Variants in ANO3 observed in about 807,000 individuals in gnomAD.
ANO3 encodes the protein anoctamin 3, also known as anoctamin-3.
In ANO3, 99 loss-of-function variants were observed where a neutral mutation model predicts 144.8. That is an observed-to-expected ratio of 0.68 (90% CI 0.58 to 0.81). ANO3 has a LOEUF of 0.81. Ranked by LOEUF, ANO3 falls within the 30% of genes least tolerant of loss-of-function variation. The probability of loss-of-function intolerance (pLI) is 0.00; values close to 1 mark genes in which losing one functional copy is unlikely to be tolerated. For missense variants in ANO3, 905 were observed against 1,202.2 expected, an observed-to-expected ratio of 0.75 and a Z score of 3.66; for synonymous variants, 414 against 392.6, an observed-to-expected ratio of 1.05 and a Z score of -0.64.
intron 2 of ANO3, among the ~76,000 whole-genome samples, chr11:26,443,322 C>T (rs1052152076): frequency 6.6e-6 from 1 of 152,114 alleles, no homozygotes; most frequent in South Asian, 2.1e-4. Flanking sequence ...AAATTTTAGG[C>T]CAGGCATGAT....
At chr11:26,616,457 T>A (rs1325490566) in intron 17 of ANO3, among the ~76,000 whole-genome samples, 3 of 143,088 alleles carry the variant, frequency 2.1e-5, no homozygotes, top group African/African-American at 5.2e-5. Context: ...TTTTTTTTGG[T>A]AATTTGTTGC....
intron 5 of ANO3, among the ~76,000 whole-genome samples, chr11:26,510,255 A>T (rs554242175): frequency 2.0e-5 from 3 of 152,110 alleles, no homozygotes; most frequent in African/African-American, 7.2e-5. Context: ...GGAATTACTC[A>T]CACACAACTT....
intron 14 of ANO3, among the ~76,000 whole-genome samples, chr11:26,574,856 T>C (rs1159036308): frequency 3.9e-5 from 6 of 152,058 alleles, no homozygotes. Context: ...ACAATGCCCT[T>C]GGTTAAGCAG....
chr11:26,241,651 A>G, intron 1 of ANO3, among the ~76,000 whole-genome samples: 1 of 152,352 alleles, frequency 6.6e-6, no homozygotes, highest in South Asian at 2.1e-4. Context: ...ATTAATAGAT[A>G]GTATTGGCAG....
chr11:26,476,930 T>A (rs556517913), intron 4 of ANO3, among the ~76,000 whole-genome samples: 1,839 of 144,822 alleles, frequency 0.013, 35 homozygotes, highest in African/African-American at 0.044. Context: ...TGTGTGTGTG[T>A]GTGAGAGAGA....
At chr11:26,253,841 C>A (rs1432632235) in intron 1 of ANO3, among the ~76,000 whole-genome samples, 1 of 152,082 alleles carries the variant, frequency 6.6e-6, no homozygotes, top group Non-Finnish European at 1.5e-5. Flanking sequence ...TGTGTCCATG[C>A]TACTCCTTAA....
At chr11:26,228,226 T>G (rs1027505326) in intron 1 of ANO3, among the ~76,000 whole-genome samples, 3 of 152,262 alleles carry the variant, frequency 2.0e-5, no homozygotes, top group Non-Finnish European at 4.4e-5. Flanking sequence ...GCTCTGTTTT[T>G]ATGGCTTCTA....
intron 4 of ANO3, among the ~76,000 whole-genome samples, chr11:26,464,683 T>G (rs891677126): frequency 6.6e-6 from 1 of 151,796 alleles, no homozygotes; most frequent in African/African-American, 2.4e-5. Context: ...GATAAGAGAA[T>G]GGTGTATGAC....
chr11:26,357,611 T>G (rs1364585212), intron 1 of ANO3, among the ~76,000 whole-genome samples: 1 of 152,118 alleles, frequency 6.6e-6, no homozygotes, highest in East Asian at 1.9e-4. Flanking sequence ...AGGTATAAGA[T>G]TTGCAAATCC....
intron 1 of ANO3, among the ~76,000 whole-genome samples, chr11:26,247,082 A>T (rs1437906695): frequency 6.6e-6 from 1 of 152,238 alleles, no homozygotes; most frequent in Non-Finnish European, 1.5e-5. Flanking sequence ...TATTTAAAAC[A>T]GTTTTAATGT....
chr11:26,210,179 G>T (rs2133781251), intron 1 of ANO3, among the ~76,000 whole-genome samples: 1 of 152,160 alleles, frequency 6.6e-6, no homozygotes, highest in Non-Finnish European at 1.5e-5. Context: ...GTAAGGAAGG[G>T]GTCCAATTTC....
In ANO3 at chr11:26,563,395, CTGTGTGTGTGTGTGTGTG is replaced by C. The variant is rs71047867; in HGVS notation, c.1447+3636_1447+3653del. The C allele has an allele frequency of 9.3e-6, 5 of 539,998 alleles. No homozygotes were observed. In the East Asian group the frequency reaches 1.1e-4, roughly 12 times the overall value. 33.5% of individuals were successfully genotyped at this position (539,998 alleles called of 1,614,324 possible). On this transcript the variant is annotated intron_variant, in intron 14 of 26. Transcript: ENST00000256737. ...ATTAGATAATGGTGTGTTTCTCTCT[CTGTGTGTGTGTGTGTGTG>C]TGTGTGTGTGTGTGTGTGTCTTGTA... is the stretch of plus-strand genomic sequence containing the variant.
intron 5 of ANO3, among the ~76,000 whole-genome samples, chr11:26,510,498 A>G (rs1290294960): frequency 1.3e-5 from 2 of 152,212 alleles, no homozygotes; most frequent in East Asian, 1.9e-4. Flanking sequence ...CTTCTCCTCC[A>G]TACAAATAGA....
At chr11:26,480,414 T>C in intron 4 of ANO3, among the ~76,000 whole-genome samples, 1 of 152,204 alleles carries the variant, frequency 6.6e-6, no homozygotes, top group East Asian at 1.9e-4. Context: ...TGCCAGTTTT[T>C]TTTGTTTGTT....
chr11:26,268,110 C>T (rs1175903143), intron 1 of ANO3, among the ~76,000 whole-genome samples: 2 of 151,908 alleles, frequency 1.3e-5, no homozygotes, highest in African/African-American at 2.4e-5. Context: ...ATTTATTACG[C>T]GTCAAATACT....
intron 1 of ANO3, among the ~76,000 whole-genome samples, chr11:26,276,246 C>T (rs1026017846): frequency 2.0e-5 from 3 of 151,990 alleles, no homozygotes; most frequent in Non-Finnish European, 4.4e-5. Context: ...GAAGAGTCAC[C>T]TAAGACTCTT....
chr11:26,557,191 G>A (rs1300638909), intron 13 of ANO3, among the ~76,000 whole-genome samples: 1 of 152,026 alleles, frequency 6.6e-6, no homozygotes, highest in Admixed American at 6.6e-5. Context: ...GCCAGGCGCG[G>A]TGGCTCACAC....
chr11:26,374,869 G>A (rs1184034230), intron 1 of ANO3, among the ~76,000 whole-genome samples: 2 of 152,140 alleles, frequency 1.3e-5, no homozygotes, highest in African/African-American at 4.8e-5. Flanking sequence ...TAAGCCTCCT[G>A]AGTAACTGGG....
intron 1 of ANO3, among the ~76,000 whole-genome samples, chr11:26,209,320 G>C (rs540934288): frequency 1.5e-4 from 23 of 152,260 alleles, no homozygotes; most frequent in African/African-American, 5.3e-4. Context: ...CAAAAGACAT[G>C]AACTCATCTT....
Sources: gnomAD v4.1 joint callset for allele counts (sites outside exome capture counted in the v4.1 genomes callset) on GRCh38, gnomAD v4.1.1 for gene constraint, MANE v1.5 for transcripts, NCBI Gene and HGNC (gene_info 2026-07-23, HGNC 2026-07-21) for gene names.